Variants in ACBD3 observed in about 807,000 individuals in gnomAD.
ACBD3 encodes acyl-CoA binding domain containing 3, also known as Golgi resident protein GCP60.
ACBD3 carries 30 observed loss-of-function variants against 66.9 expected under a neutral mutation model. The ratio of observed to expected loss-of-function variants is 0.45; its 90% CI spans 0.34 to 0.61. The LOEUF is 0.61. ACBD3 is among the 20% of genes least tolerant of loss of function. ACBD3 has a pLI of 0.02. For synonymous variants in ACBD3, 278 were observed against 259.8 expected, an observed-to-expected ratio of 1.07 and a Z score of -0.68; for missense variants, 544 against 664.5, an observed-to-expected ratio of 0.82 and a Z score of 1.99.
intron 6 of ACBD3, among the ~76,000 whole-genome samples, 155 bp from the exon 7 acceptor site, chr1:226,152,774 C>T (rs1236789065): frequency 6.6e-6 from 1 of 152,206 alleles, no homozygotes; most frequent in Non-Finnish European, 1.5e-5. Context: ...AAAGCCTCCC[C>T]ATGGGAGTCT....
intron 5 of ACBD3, among the ~76,000 whole-genome samples, chr1:226,156,348 T>C (rs1391971021): frequency 6.6e-6 from 1 of 152,238 alleles, no homozygotes; most frequent in Non-Finnish European, 1.5e-5. Context: ...TCACAAGTAA[T>C]TGTATTTTGT....
chr1:226,155,359 G>A (rs1659652707), intron 5 of ACBD3, among the ~76,000 whole-genome samples: 1 of 150,258 alleles, frequency 6.7e-6, no homozygotes, highest in Admixed American at 6.7e-5. Context: ...GGAGGTTGCA[G>A]TGACCTGAGA....
rs368695899 is a variant in ACBD3 at position 226,159,372 on chromosome 1, A to G, written c.729-14T>C. 6.8e-5 allele frequency: 110 copies of G among 1,613,284 alleles called. No homozygotes were observed. Among genetic ancestry groups the G allele is most frequent in the Middle Eastern group, 1.6e-4 (1 of 6,068 alleles). ...ATTATCTGCTGCCTAAAAACATTAA[A>G]AATATATATACTAGTCTGGCTACAG... On this transcript the variant is annotated splice_polypyrimidine_tract_variant and intron_variant, in intron 4 of 7. Transcript: ENST00000366812.
At chr1:226,158,562 C>T (rs1158503040) in intron 5 of ACBD3, among the ~76,000 whole-genome samples, 1 of 152,160 alleles carries the variant, frequency 6.6e-6, no homozygotes, top group Non-Finnish European at 1.5e-5. Context: ...AATAACTTGT[C>T]TGAGATCAAA....
In ACBD3 at chr1:226,145,183, C is replaced by T. The variant is rs952802672; in HGVS notation, c.*1427G>A. 2 of 152,102 alleles carry T rather than the reference C, an allele frequency of 1.3e-5. No individual in the cohort carries two copies. The highest frequency in any genetic ancestry group is 6.6e-5 in the Admixed American group (1 of 15,224). The allele number at this position is 152,102 out of a possible 1,614,324, so 9.4% of individuals were successfully genotyped here. The stretch of plus-strand genomic sequence containing the variant: ...AAAAAAAAATCCAGTTTCTGAACAA[C>T]CAAAAGAGAACAGAGTTAGATATGT... On this transcript the variant is annotated 3_prime_UTR_variant, in exon 8 of 8. Coordinates refer to ENST00000366812, the MANE Select transcript of ACBD3 (RefSeq NM_022735.4).
chr1:226,164,116 TAAAAAAAAAAAAAA>T (rs1165905762), intron 3 of ACBD3, among the ~76,000 whole-genome samples: 1 of 51,556 alleles, frequency 1.9e-5, no homozygotes, highest in Non-Finnish European at 3.3e-5. Context: ...GACTCCATCT[TAAAAAAAAAAAAAA>T]AAAAAAAAAA....
intron 1 of ACBD3, among the ~76,000 whole-genome samples, chr1:226,177,042 C>T (rs553143608): frequency 6.6e-6 from 1 of 152,254 alleles, no homozygotes; most frequent in East Asian, 1.9e-4. Flanking sequence ...TACATTCAGC[C>T]GTGAGTAACA....
At position 226,177,361 on chromosome 1, in the gene ACBD3, C is replaced by CTTT. The variant is rs376001082; in HGVS notation, c.286+9026_286+9028dup. On this transcript the variant is annotated intron_variant, in intron 1 of 7. Coordinates refer to ENST00000366812, the MANE Select transcript of ACBD3 (RefSeq NM_022735.4). ...TACAGGTGGCCACCACCACTCTTGG[C>CTTT]TTTTTTTTTTTTTTTAAGTAGAGAC... Among the ~76,000 whole-genome samples the CTTT allele has an allele frequency of 8.7e-5, 12 of 138,152 alleles. No individual in the cohort carries two copies. The South Asian group carries it at 2.6e-3, about 30-fold the overall frequency. The allele number at this position is 138,152 out of a possible 152,430, so 90.6% of individuals were successfully genotyped here. A position where few individuals can be genotyped will look rare whatever the true frequency, so the allele number is the denominator to read the frequency against.
intron 1 of ACBD3, among the ~76,000 whole-genome samples, chr1:226,172,957 A>ACAAC (rs1329439507): frequency 6.6e-6 from 1 of 152,054 alleles, no homozygotes; most frequent in African/African-American, 2.4e-5. Context: ...CCCTGTCTAA[A>ACAAC]CAACAAACAA....
chr1:226,163,525 A>G (rs1018551544), intron 3 of ACBD3, among the ~76,000 whole-genome samples: 3 of 152,150 alleles, frequency 2.0e-5, no homozygotes, highest in Non-Finnish European at 2.9e-5. Context: ...CTTTGGATAA[A>G]TATCTTCTGA....
intron 3 of ACBD3, 152 bp from the exon 4 acceptor site, chr1:226,161,841 C>T: frequency 1.2e-6 from 1 of 837,776 alleles, no homozygotes. Context: ...CTAGCAGAAA[C>T]TTATAGGGAA....
At chr1:226,158,916 T>C (rs1414814215) in intron 5 of ACBD3, among the ~76,000 whole-genome samples, 8 of 152,336 alleles carry the variant, frequency 5.3e-5, no homozygotes, top group African/African-American at 1.4e-4. Flanking sequence ...TTAGGGTCTA[T>C]GCCAGACTCA....
intron 6 of ACBD3, among the ~76,000 whole-genome samples, chr1:226,153,599 T>A (rs1659617769): frequency 6.6e-6 from 1 of 152,200 alleles, no homozygotes; most frequent in Non-Finnish European, 1.5e-5. Flanking sequence ...ACAGCTACAA[T>A]CTACATTTTC....
intron 1 of ACBD3, among the ~76,000 whole-genome samples, chr1:226,169,442 G>A (rs1201632750): frequency 1.3e-5 from 2 of 151,690 alleles, no homozygotes; most frequent in Admixed American, 1.3e-4. Context: ...GTAGAGACGG[G>A]GTTTCACTGT....
chr1:226,172,201 C>CAAAAAAAAAAAAAA (rs1558129702), intron 1 of ACBD3, among the ~76,000 whole-genome samples: 1 of 107,102 alleles, frequency 9.3e-6, no homozygotes, highest in Admixed American at 9.6e-5. Flanking sequence ...TAGTCCTGGT[C>CAAAAAAAAAAAAAA]AGGCAAACAG....
At chr1:226,146,918 GT>G in intron 7 of ACBD3, 97 bp from the exon 8 acceptor site, 3 of 1,187,396 alleles carry the variant, frequency 2.5e-6, no homozygotes, top group South Asian at 1.4e-5. Flanking sequence ...TGGAGACAGA[GT>G]CTTGCTCTGT....
chr1:226,147,717 TG>T (rs1659484848), intron 7 of ACBD3, among the ~76,000 whole-genome samples: 1 of 152,144 alleles, frequency 6.6e-6, no homozygotes, highest in East Asian at 1.9e-4. Flanking sequence ...ATGATCTAAG[TG>T]GCAAAAAATG....
intron 7 of ACBD3, among the ~76,000 whole-genome samples, chr1:226,150,009 C>CT (rs1659538209): frequency 2.6e-5 from 4 of 151,290 alleles, no homozygotes; most frequent in Admixed American, 2.6e-4. Context: ...TGCCCCCTGG[C>CT]TAATCTGCTA....
chr1:226,164,719 C>T (rs1478459929), intron 3 of ACBD3, 70 bp downstream of exon 3: 121 of 1,465,878 alleles, frequency 8.3e-5, no homozygotes, highest in Non-Finnish European at 1.1e-4. Context: ...AGAACAGACA[C>T]TCTACAAAAC....
Sources: allele counts gnomAD v4.1 joint callset (sites outside exome capture counted in the v4.1 genomes callset), GRCh38; gene constraint gnomAD v4.1.1; transcripts MANE v1.5; gene names NCBI Gene and HGNC (gene_info 2026-07-23, HGNC 2026-07-21).